The following ASPA variants were observed in gnomAD, a reference collection of about 807,000 sequenced individuals.
The protein encoded by ASPA is ACY-2.
Under a neutral mutation model 29.6 loss-of-function variants are expected in ASPA, and 25 were observed. The observed-to-expected ratio is 0.85, with a 90% CI of 0.62 to 1.18. The LOEUF (loss-of-function observed/expected upper bound fraction) is 1.18. Ranked by LOEUF, ASPA falls within the 50% of genes most tolerant of loss-of-function variation. The pLI is 0.00. For synonymous variants in ASPA, 131 were observed against 130.3 expected, an observed-to-expected ratio of 1.01 and a Z score of -0.04; for missense variants, 333 against 385.7, an observed-to-expected ratio of 0.86 and a Z score of 1.14.
intron 3 of ASPA, among the ~76,000 whole-genome samples, chr17:3,486,960 T>C (rs921449344): frequency 5.3e-5 from 8 of 152,128 alleles, no homozygotes; most frequent in African/African-American, 1.9e-4. Flanking sequence ...ATTACACAAA[T>C]AACTTTCCTA....
upstream of ASPA, chr17:3,475,583 G>A (rs747591532): frequency 2.6e-5 from 4 of 153,588 alleles, no homozygotes; most frequent in African/African-American, 4.8e-5. Flanking sequence ...AATGGGCGCC[G>A]GTTCAAGAGG....
At chr17:3,483,046 C>A (rs928002907) in intron 2 of ASPA, among the ~76,000 whole-genome samples, 2 of 148,764 alleles carry the variant, frequency 1.3e-5, no homozygotes, top group Admixed American at 1.4e-4. Flanking sequence ...AACCAAGAGG[C>A]CTGTCTTCAA....
chr17:3,494,680 C>T (rs2073880948), intron 5 of ASPA, among the ~76,000 whole-genome samples: 1 of 152,080 alleles, frequency 6.6e-6, no homozygotes, highest in Admixed American at 6.5e-5. Flanking sequence ...GGCCTGCACG[C>T]TCAATGGAAT....
At chr17:3,475,186 CAG>C (rs1413265210), upstream of ASPA, among the ~76,000 whole-genome samples, 3 of 152,154 alleles carry the variant, frequency 2.0e-5, no homozygotes, top group Non-Finnish European at 4.4e-5. Flanking sequence ...AGATTTGGCT[CAG>C]AGTCATTTCT....
At chr17:3,483,867 G>A (rs1396701219) in intron 3 of ASPA, among the ~76,000 whole-genome samples, 4 of 151,892 alleles carry the variant, frequency 2.6e-5, no homozygotes, top group Non-Finnish European at 5.9e-5. Context: ...ATGTTAGCCA[G>A]GGCTGGCCTC....
intron 5 of ASPA, 132 bp from the exon 6 acceptor site, chr17:3,498,759 C>A: frequency 2.2e-6 from 2 of 920,234 alleles, no homozygotes; most frequent in Non-Finnish European, 3.1e-6. Context: ...TTGCCTGCAT[C>A]TCAATGCCTC....
rs566635621 is a variant in ASPA at position 3,490,976 on chromosome 17, G to C, written c.634+1634G>C. ...CGATTAATTTAGACTATCCAGCTTG[G>C]TGGATTTTCAACTGAGCACTCCTAT... On this transcript the variant is annotated intron_variant, in intron 4 of 5. Coordinates refer to ENST00000263080, the MANE Select transcript of ASPA (RefSeq NM_000049.4). This position sits in a 1 kb window ranked among gnomAD's most constrained non-coding sequence, Gnocchi z 4.6. Among the ~76,000 whole-genome samples the C allele has an allele frequency of 6.6e-6, 1 of 152,290 alleles. No individual in the cohort carries two copies. Among genetic ancestry groups the C allele is most frequent in the South Asian group, 2.1e-4 (1 of 4,828 alleles).
intron 5 of ASPA, 91 bp downstream of exon 5, chr17:3,494,550 T>A: frequency 9.2e-7 from 1 of 1,090,360 alleles, no homozygotes. Flanking sequence ...TCGCGTACAT[T>A]CGCCCATTTG....
intron 5 of ASPA, among the ~76,000 whole-genome samples, chr17:3,497,517 T>C (rs1267512371): frequency 6.6e-6 from 1 of 152,102 alleles, no homozygotes; most frequent in African/African-American, 2.4e-5. Context: ...TCACTGTAGG[T>C]AAATTTAAAA....
In ASPA at chr17:3,490,226, T is replaced by C. The variant is rs544300771; in HGVS notation, c.634+884T>C. On this transcript the variant is annotated intron_variant, in intron 4 of 5. Coordinates refer to ENST00000263080, the MANE Select transcript of ASPA (RefSeq NM_000049.4). This position sits in a 1 kb window ranked among gnomAD's most constrained non-coding sequence, Gnocchi z 4.6. ...TCTTAATTATATTCAATAAGAATAA[T>C]GTATTTATGTATTATTTCTGTAATT... 1.3e-5 allele frequency among the ~76,000 whole-genome samples: 2 copies of C among 152,280 alleles called. No homozygotes were observed. The highest frequency in any genetic ancestry group is 3.9e-4 in the East Asian group (2 of 5,194).
chr17:3,479,428 A>G (rs1288097212), intron 1 of ASPA, among the ~76,000 whole-genome samples: 1 of 152,262 alleles, frequency 6.6e-6, no homozygotes, highest in East Asian at 1.9e-4. Flanking sequence ...TTTGCATACA[A>G]TAGGAACCTA....
At chr17:3,483,408 A>T in intron 2 of ASPA, 91 bp from the exon 3 acceptor site, 1 of 1,081,736 alleles carries the variant, frequency 9.2e-7, no homozygotes. Flanking sequence ...TGATGAAGTA[A>T]AACGTATTGA....
chr17:3,493,083 T>G (rs115519971), intron 4 of ASPA, among the ~76,000 whole-genome samples: 1 of 152,200 alleles, frequency 6.6e-6, no homozygotes, highest in Non-Finnish European at 1.5e-5. Context: ...GGCCCTACAT[T>G]GGACCAAACG....
upstream of ASPA, among the ~76,000 whole-genome samples, chr17:3,474,937 G>C (rs1161514400): frequency 6.6e-6 from 1 of 152,194 alleles, no homozygotes; most frequent in Non-Finnish European, 1.5e-5. Context: ...CCTTAACTGA[G>C]TTACTTAACC....
chr17:3,489,397 C>A, intron 4 of ASPA, 55 bp downstream of exon 4: 1 of 1,394,222 alleles, frequency 7.2e-7, no homozygotes, highest in Non-Finnish European at 1.0e-6. Context: ...ATTTAAATAA[C>A]AATTGGAACC....
intron 2 of ASPA, among the ~76,000 whole-genome samples, chr17:3,482,457 T>C (rs1337974634): frequency 2.0e-5 from 3 of 152,204 alleles, no homozygotes; most frequent in Non-Finnish European, 4.4e-5. Flanking sequence ...GTGTACTAGA[T>C]AGCCTTCCTT....
At chr17:3,483,183 A>C (rs2073663851) in intron 2 of ASPA, among the ~76,000 whole-genome samples, 1 of 152,194 alleles carries the variant, frequency 6.6e-6, no homozygotes, top group African/African-American at 2.4e-5. Flanking sequence ...ACCAGTGATG[A>C]AACAAAAATC....
In ASPA at chr17:3,476,396, G is replaced by C; in HGVS notation, c.236+1G>C. The C allele has an allele frequency of 6.2e-7, 1 of 1,613,010 alleles. No homozygotes were observed. Among genetic ancestry groups the C allele is most frequent in the Non-Finnish European group, 8.5e-7 (1 of 1,179,348 alleles). On this transcript the variant is annotated splice_donor_variant, in intron 1 of 5. Coordinates refer to ENST00000263080, the MANE Select transcript of ASPA (RefSeq NM_000049.4). LOFTEE classifies it high-confidence loss of function. ...GCATTTTTGACCTTGAAAATCTTGG[G>C]TAAGACTATGCTTTGTATTGTATAT... is the stretch of plus-strand genomic sequence containing the variant.
chr17:3,481,825 G>A, intron 2 of ASPA, 27 bp downstream of exon 2: 1 of 1,544,080 alleles, frequency 6.5e-7, no homozygotes, highest in South Asian at 1.2e-5. Flanking sequence ...TAATTTATAA[G>A]TTAGCAAAGG....
Sources: gnomAD v4.1 joint callset for allele counts (sites outside exome capture counted in the v4.1 genomes callset) on GRCh38, gnomAD v4.1.1 for gene constraint, Gnocchi (gnomAD v3.1) non-coding constraint, MANE v1.5 for transcripts, NCBI Gene and HGNC (gene_info 2026-07-23, HGNC 2026-07-21) for gene names.